PBX3: variants seen among roughly 807,000 people sequenced by gnomAD.
PBX3 encodes the protein PBX homeobox 3.
A neutral mutation model predicts 48.5 loss-of-function variants in PBX3; 14 were observed. The ratio of observed to expected loss-of-function variants is 0.29; its 90% CI spans 0.19 to 0.45. The LOEUF is 0.45. PBX3 is among the 20% of genes least tolerant of loss of function. The pLI, the probability that PBX3 is intolerant of heterozygous loss-of-function variation, is 1.00. For missense variants in PBX3, 386 were observed against 546.7 expected (o/e 0.71, Z 2.93); for synonymous variants, 210 against 200.3 (o/e 1.05, Z -0.41).
At chr9:125,837,213 G>A (rs1285538210) in intron 2 of PBX3, among the ~76,000 whole-genome samples, 2 of 152,010 alleles carry the variant, frequency 1.3e-5, no homozygotes, top group African/African-American at 4.8e-5. Context: ...ATGAAGCTCT[G>A]TATGCACTAA....
At chr9:125,760,609 A>C (rs1269798530) in intron 2 of PBX3, among the ~76,000 whole-genome samples, 1 of 152,168 alleles carries the variant, frequency 6.6e-6, no homozygotes, top group Admixed American at 6.5e-5. Flanking sequence ...GGTCTATTTC[A>C]TAGTTTTACT....
At chr9:125,798,925 A>G in intron 2 of PBX3, among the ~76,000 whole-genome samples, 1 of 152,156 alleles carries the variant, frequency 6.6e-6, no homozygotes, top group East Asian at 1.9e-4. Context: ...ATACATATAT[A>G]AGACTTTAAT....
At chr9:125,779,348 T>C (rs1179760396) in intron 2 of PBX3, among the ~76,000 whole-genome samples, 1 of 139,180 alleles carries the variant, frequency 7.2e-6, no homozygotes, top group Non-Finnish European at 1.5e-5. Context: ...GGAGGGAAGG[T>C]TGGCAGATAA....
intron 2 of PBX3, among the ~76,000 whole-genome samples, chr9:125,793,101 C>G (rs1157295914): frequency 6.6e-6 from 1 of 151,072 alleles, no homozygotes; most frequent in Non-Finnish European, 1.5e-5. Context: ...GCCTGTAATC[C>G]CAGCACTTTG....
At chr9:125,942,949 A>T (rs1411103650) in intron 5 of PBX3, among the ~76,000 whole-genome samples, 1 of 152,208 alleles carries the variant, frequency 6.6e-6, no homozygotes, top group East Asian at 1.9e-4. Flanking sequence ...AACAATCAGT[A>T]CCATGATTGG....
At chr9:125,851,151 G>T (rs1839566181) in intron 2 of PBX3, among the ~76,000 whole-genome samples, 7 of 152,024 alleles carry the variant, frequency 4.6e-5, no homozygotes, top group Admixed American at 4.6e-4. Flanking sequence ...AAATACTTAT[G>T]GGTAGAGATG....
At chr9:125,922,326 T>TA (rs2132488622) in intron 3 of PBX3, among the ~76,000 whole-genome samples, 2 of 152,320 alleles carry the variant, frequency 1.3e-5, no homozygotes, top group South Asian at 4.1e-4. Context: ...TTCCATGCCT[T>TA]ATGTTAACTG....
At chr9:125,954,786 C>A (rs1347635413) in intron 5 of PBX3, among the ~76,000 whole-genome samples, 1 of 152,198 alleles carries the variant, frequency 6.6e-6, no homozygotes, top group African/African-American at 2.4e-5. Flanking sequence ...ATCCGCCCGC[C>A]TCGGCCTCCC....
At chr9:125,895,377 T>C (rs978533088) in intron 2 of PBX3, among the ~76,000 whole-genome samples, 8 of 152,100 alleles carry the variant, frequency 5.3e-5, no homozygotes, top group Admixed American at 4.6e-4. Flanking sequence ...TAGCACACAA[T>C]TGATATACAA....
chr9:125,753,915 A>T (rs1219905347), intron 2 of PBX3, among the ~76,000 whole-genome samples: 1 of 152,128 alleles, frequency 6.6e-6, no homozygotes, highest in African/African-American at 2.4e-5. Context: ...AGGCAAATTT[A>T]AATTAACGTA....
At position 125,817,001 on chromosome 9, in the gene PBX3, G is replaced by T. The variant is rs577263120; in HGVS notation, c.274+68378G>T. On this transcript the variant is annotated intron_variant, in intron 2 of 8. Coordinates refer to ENST00000373489, the MANE Select transcript of PBX3 (RefSeq NM_006195.6). ...CTGCAGTTAATGTATCTGTGCATGCGTAGCTGATCTTCACCTTGTTAAAAG... is the reference window on the plus strand; with the variant it reads ...CTGCAGTTAATGTATCTGTGCATGCTTAGCTGATCTTCACCTTGTTAAAAG... Among the ~76,000 whole-genome samples the T allele has an allele frequency of 3.3e-5, 5 of 152,202 alleles. No homozygotes were observed. The South Asian group carries it at 1.0e-3, about 32-fold the overall frequency.
chr9:125,961,135 A>G (rs755189459), intron 6 of PBX3, among the ~76,000 whole-genome samples: 5 of 152,214 alleles, frequency 3.3e-5, no homozygotes, highest in African/African-American at 7.2e-5. Flanking sequence ...GCTCATGACT[A>G]TTTTAGCTAT....
At chr9:125,762,792 CAAG>C (rs1048029099) in intron 2 of PBX3, among the ~76,000 whole-genome samples, 3 of 152,200 alleles carry the variant, frequency 2.0e-5, no homozygotes, top group Non-Finnish European at 4.4e-5. Context: ...ATGTCTAAAA[CAAG>C]GAGAATGATT....
intron 2 of PBX3, among the ~76,000 whole-genome samples, chr9:125,799,806 A>G (rs1459734470): frequency 6.6e-6 from 1 of 152,192 alleles, no homozygotes; most frequent in Non-Finnish European, 1.5e-5. Context: ...TGTTTATAAT[A>G]TCTTTGATCC....
chr9:125,781,082 G>C (rs1189456074), intron 2 of PBX3, among the ~76,000 whole-genome samples: 1 of 149,330 alleles, frequency 6.7e-6, no homozygotes, highest in Non-Finnish European at 1.5e-5. Flanking sequence ...ACGATGGGCA[G>C]CCAGGCAGAG....
At chr9:125,929,879 C>T (rs763861195) in intron 4 of PBX3, 34 bp downstream of exon 4, 4 of 1,475,776 alleles carry the variant, frequency 2.7e-6, no homozygotes, top group Admixed American at 1.7e-5. Flanking sequence ...GCATGGCTTT[C>T]CCCCGTCTGT....
chr9:125,939,927 C>G (rs917523590), intron 5 of PBX3, among the ~76,000 whole-genome samples: 1 of 152,066 alleles, frequency 6.6e-6, no homozygotes, highest in Non-Finnish European at 1.5e-5. Flanking sequence ...AAAAAAGGGC[C>G]GGGTGTGGTG....
At chr9:125,780,074 C>CG (rs1837213083) in intron 2 of PBX3, among the ~76,000 whole-genome samples, 2 of 132,418 alleles carry the variant, frequency 1.5e-5, no homozygotes, top group South Asian at 2.6e-4. Context: ...CTGACCCCCC[C>CG]ACCTCCCTCC....
chr9:125,820,545 A>C (rs1048415904), intron 2 of PBX3, among the ~76,000 whole-genome samples: 3 of 152,252 alleles, frequency 2.0e-5, no homozygotes, highest in Non-Finnish European at 4.4e-5. Context: ...ACATCAAAAT[A>C]AATTGCTGTC....
Sources: allele counts gnomAD v4.1 joint callset (sites outside exome capture counted in the v4.1 genomes callset), GRCh38; gene constraint gnomAD v4.1.1; transcripts MANE v1.5; gene names NCBI Gene and HGNC (gene_info 2026-07-23, HGNC 2026-07-21).